KIF18B: variants seen among roughly 807,000 people sequenced by gnomAD.
KIF18B encodes the protein kinesin-like protein KIF18B.
A neutral mutation model predicts 80.9 loss-of-function variants in KIF18B; 49 were observed. The ratio of observed to expected loss-of-function variants is 0.61; its 90% CI spans 0.48 to 0.77. KIF18B has a LOEUF of 0.77. KIF18B is among the 30% of genes least tolerant of loss of function. The probability of loss-of-function intolerance (pLI) is 0.00; values close to 1 mark genes in which losing one functional copy is unlikely to be tolerated. For synonymous variants in KIF18B, 439 were observed against 463.9 expected (o/e 0.95, Z 0.69); for missense variants, 994 against 1,127.7 (o/e 0.88, Z 1.70).
rs1359571913 is a variant in KIF18B, at chr17:44,934,620, A to G, written c.577-3T>C. On this transcript the variant is annotated splice_region_variant and splice_polypyrimidine_tract_variant and intron_variant, in intron 4 of 15. Transcript: ENST00000593135. The surrounding 1 kb of genome is among the most constrained non-coding windows in gnomAD (Gnocchi z 5.4). ...AGCAGCTGCTCGGCTGAGGCTGGCT[A>G]CAGAGGAGAAGCCCAGGAACGGGGC... 8.1e-6 allele frequency: 13 copies of G among 1,597,006 alleles called. No homozygotes were observed. Among genetic ancestry groups the G allele is most frequent in the African/African-American group, 1.3e-5 (1 of 74,548 alleles).
intron 11 of KIF18B, among the ~76,000 whole-genome samples, chr17:44,930,198 T>C (rs1021632865): frequency 2.0e-5 from 3 of 152,218 alleles, no homozygotes; most frequent in East Asian, 1.9e-4. Flanking sequence ...CAAGGAAGAT[T>C]AGACAATTGC....
Position 44,934,252 on chromosome 17 carries a change from T to C in KIF18B, c.866A>G (p.Asn289Ser). The C allele has an allele frequency of 6.2e-7, 1 of 1,612,302 alleles. No individual in the cohort carries two copies. Among genetic ancestry groups the C allele is most frequent in the Non-Finnish European group, 8.5e-7 (1 of 1,179,376 alleles). The change falls in exon 6 of 16, where the codon AAT (asparagine) becomes AGT (serine). Residue 289 changes from asparagine to serine, a missense_variant. Asn to Ser is a conservative substitution (Grantham distance 46, BLOSUM62 1). Coordinates refer to ENST00000593135, the MANE Select transcript of KIF18B (RefSeq NM_001265577.2). This position sits in a 1 kb window ranked among gnomAD's most constrained non-coding sequence, Gnocchi z 5.4. ...CTTTACCTTTGCATCGGCCAAGGCA[T>C]TGAGGACGTTGATGAGCGCCAGCAG... The part of the protein sequence containing the change: ...RSLLALINVL[N>S]ALADAKGRKT...
chr17:44,932,945 C>T lies in KIF18B; in HGVS notation c.1104G>A (p.Gln368=), dbSNP rs1164750800. 10 of 1,607,704 alleles carry T rather than the reference C, an allele frequency of 6.2e-6. No individual in the cohort carries two copies. The highest frequency in any genetic ancestry group is 1.7e-5 in the Admixed American group (1 of 59,862). ...NVTSLDCHIS[Q]YATICQQLQA... Reference sequence around the variant, plus strand: ...GGAGCTGTTGGCAGATGGTAGCATACTGGCTGATGTGACAGTCCAGGCTGG... The same window carrying T: ...GGAGCTGTTGGCAGATGGTAGCATATTGGCTGATGTGACAGTCCAGGCTGG... Residue 368 remains glutamine, a synonymous_variant, in exon 8 of 16, where the codon CAG becomes CAA. Coordinates refer to ENST00000593135, the MANE Select transcript of KIF18B (RefSeq NM_001265577.2).
At chr17:44,944,276 G>T (rs2052470850) in intron 1 of KIF18B, among the ~76,000 whole-genome samples, 2 of 149,094 alleles carry the variant, frequency 1.3e-5, no homozygotes, top group Admixed American at 6.7e-5. Flanking sequence ...TTTTGCTCTT[G>T]TTGCCCAGCA....
In KIF18B at chr17:44,925,904, A is replaced by G. The variant is rs1263653294; in HGVS notation, c.*176T>C. ...AACAGGAGATTAACAGAGGGTGAGT[A>G]GCAGGATGGATGTCTGGGGAGGGAT... On this transcript the variant is annotated 3_prime_UTR_variant, in exon 16 of 16. Transcript: ENST00000593135. 4.6e-6 allele frequency: 3 copies of G among 654,320 alleles called. No homozygotes were observed. Among genetic ancestry groups the G allele is most frequent in the Non-Finnish European group, 8.1e-6 (3 of 368,112 alleles). The allele number at this position is 654,320 out of a possible 1,614,324, so 40.5% of individuals were successfully genotyped here. A position where few individuals can be genotyped will look rare whatever the true frequency, so the allele number is the denominator to read the frequency against.
intron 1 of KIF18B, among the ~76,000 whole-genome samples, chr17:44,937,139 CTCTT>C (rs2052327675): frequency 6.6e-6 from 1 of 151,592 alleles, no homozygotes; most frequent in Non-Finnish European, 1.5e-5. Flanking sequence ...CTCTTCATTA[CTCTT>C]TCTTTTCTAT....
In KIF18B at chr17:44,939,042, C is replaced by T. The variant is rs541946033; in HGVS notation, c.-14-2684G>A. On this transcript the variant is annotated intron_variant, in intron 1 of 15. Coordinates refer to ENST00000593135, the MANE Select transcript of KIF18B (RefSeq NM_001265577.2). ...CTGGGCAACAAGAGTGAAACTCCAT[C>T]TCAAAAAAAAAAATTAATTAATTAA... Among the ~76,000 whole-genome samples, 18 of 136,322 alleles carry T rather than the reference C, an allele frequency of 1.3e-4. No individual in the cohort carries two copies. In the South Asian group the frequency reaches 3.7e-3, roughly 28 times the overall value. 89.4% of individuals were successfully genotyped at this position (136,322 alleles called of 152,430 possible).
At chr17:44,936,604 A>C (rs1365012287) in intron 1 of KIF18B, among the ~76,000 whole-genome samples, 688 of 51,346 alleles carry the variant, frequency 0.013, 5 homozygotes, top group African/African-American at 0.02. Context: ...CTCTCTATAT[A>C]TATATATATA....
intron 1 of KIF18B, among the ~76,000 whole-genome samples, chr17:44,938,406 T>C (rs559464735): frequency 7.2e-5 from 11 of 152,342 alleles, no homozygotes; most frequent in Admixed American, 5.9e-4. Context: ...CAACCATGCA[T>C]TCCTGGAAAA....
In KIF18B at chr17:44,933,995, G is replaced by A. The variant is rs1597883323; in HGVS notation, c.990C>T (p.Pro330=). 6.2e-7 allele frequency: 1 copy of A among 1,608,092 alleles called. No homozygotes were observed. The highest frequency in any genetic ancestry group is 1.3e-5 in the African/African-American group (1 of 74,964). Reference sequence around the variant, plus strand: ...ACGTGTCCTCGTAGGTCAGGCTGGAGGGGCTGATGGCAGCGATCATCACTG... The same window carrying A: ...ACGTGTCCTCGTAGGTCAGGCTGGAAGGGCTGATGGCAGCGATCATCACTG... The part of the protein sequence containing the change: ...CRTVMIAAIS[P]SSLTYEDTYN... The change falls in exon 7 of 16, where the codon CCC becomes CCT. Residue 330 remains proline (P), a synonymous_variant. Transcript: ENST00000593135.
At position 44,928,877 on chromosome 17, in the gene KIF18B, C is replaced by T; in HGVS notation, c.1665G>A (p.Leu555=). Residue 555 remains leucine, a synonymous_variant, in exon 12 of 16, where the codon TTG becomes TTA. Coordinates refer to ENST00000593135, the MANE Select transcript of KIF18B (RefSeq NM_001265577.2). ...CCCCCCTGGCCAGGCCTGAAGTCCT[C>T]AAGGCCTCTGCCCCAGGCTCAATTT... ...EEKIEPGAEA[L]RTSGLARGAP... is the part of the protein sequence containing the mutation. The T allele has an allele frequency of 6.2e-7, 1 of 1,613,944 alleles. No individual in the cohort carries two copies. Among genetic ancestry groups the T allele is most frequent in the Non-Finnish European group, 8.5e-7 (1 of 1,179,848 alleles).
Position 44,925,925 on chromosome 17 carries a change from G to T in KIF18B, c.*155C>A. ...GAGTAGCAGGATGGATGTCTGGGGA[G>T]GGATGTTAATACAGCAAAGGTGTGT... is the stretch of plus-strand genomic sequence containing the variant. On this transcript the variant is annotated 3_prime_UTR_variant, in exon 16 of 16. Coordinates refer to ENST00000593135, the MANE Select transcript of KIF18B (RefSeq NM_001265577.2). 1.4e-6 allele frequency: 1 copy of T among 699,684 alleles called. No individual in the cohort carries two copies. Among genetic ancestry groups the T allele is most frequent in the Non-Finnish European group, 2.5e-6 (1 of 399,754 alleles). 43.3% of individuals were successfully genotyped at this position (699,684 alleles called of 1,614,324 possible).
rs1430137564 is a variant in KIF18B at position 44,926,054 on chromosome 17, CCTTG to C, written c.*22_*25del. On this transcript the variant is annotated 3_prime_UTR_variant, in exon 16 of 16. Coordinates refer to ENST00000593135, the MANE Select transcript of KIF18B (RefSeq NM_001265577.2). ...GCAGAGGGGCCGGTAGGTTAGGACA[CCTTG>C]GTGGTCAGGACATTCTGGCGGTCAG... 6.2e-7 allele frequency: 1 copy of C among 1,613,482 alleles called. No homozygotes were observed. The highest frequency in any genetic ancestry group is 8.5e-7 in the Non-Finnish European group (1 of 1,179,706).
Position 44,934,310 on chromosome 17 carries a change from G to A in KIF18B, c.808C>T (p.Arg270Trp), listed in dbSNP as rs1261038268. ...RASSTHAKGE[R>W]LREGANINRS... The stretch of plus-strand genomic sequence containing the variant: ...TTGATGTTGGCCCCCTCCCGCAGCC[G>A]CTCCCCCTTCGCATGGGTGCTGGAT... The change falls in exon 6 of 16, where the codon CGG becomes TGG. Residue 270 changes from arginine to tryptophan, a missense_variant. Transcript: ENST00000593135. This position sits in a 1 kb window ranked among gnomAD's most constrained non-coding sequence, Gnocchi z 5.4. 4 of 1,610,938 alleles carry A rather than the reference G, an allele frequency of 2.5e-6. No individual in the cohort carries two copies. Among genetic ancestry groups the A allele is most frequent in the South Asian group, 1.1e-5 (1 of 90,420 alleles).
At chr17:44,942,572 A>G (rs542481549) in intron 1 of KIF18B, among the ~76,000 whole-genome samples, 113 of 152,312 alleles carry the variant, frequency 7.4e-4, no homozygotes, top group Non-Finnish European at 1.3e-3. Flanking sequence ...AGCCCCCTTC[A>G]TCTCTCCTTC....
chr17:44,934,987 C>A lies in KIF18B; in HGVS notation c.472-52G>T. On this transcript the variant is annotated intron_variant, in intron 3 of 15. Transcript: ENST00000593135. The surrounding 1 kb of genome is among the most constrained non-coding windows in gnomAD (Gnocchi z 5.4). The stretch of plus-strand genomic sequence containing the variant: ...TGAGGGAGAGCGGCCCATCAGGAAA[C>A]CTCTCCCTAGCGGCTGGACAGGGGA... 1 of 1,317,184 alleles carries A rather than the reference C, an allele frequency of 7.6e-7. No individual in the cohort carries two copies. The highest frequency in any genetic ancestry group is 1.1e-6 in the Non-Finnish European group (1 of 950,812). The allele number at this position is 1,317,184 out of a possible 1,614,324, so 81.6% of individuals were successfully genotyped here. A position where few individuals can be genotyped will look rare whatever the true frequency, so the allele number is the denominator to read the frequency against.
At chr17:44,933,499 T>C (rs1331071222) in intron 7 of KIF18B, among the ~76,000 whole-genome samples, 1 of 150,998 alleles carries the variant, frequency 6.6e-6, no homozygotes, top group African/African-American at 2.4e-5. Context: ...GGAACTTCTT[T>C]TTTTTTTTTT....
rs1157887945 is a variant in KIF18B, at chr17:44,924,928, C to A, written c.*1152G>T. 1.3e-5 allele frequency: 2 copies of A among 152,122 alleles called. No individual in the cohort carries two copies. Among genetic ancestry groups the A allele is most frequent in the African/African-American group, 4.8e-5 (2 of 41,386 alleles). 9.4% of individuals were successfully genotyped at this position (152,122 alleles called of 1,614,324 possible). ...AATAAAGCTGTCTTCATTTGGAAAT[C>A]AAGGCACCATTATCATCCACATCTT... On this transcript the variant is annotated 3_prime_UTR_variant, in exon 16 of 16. Transcript: ENST00000593135.
chr17:44,929,152 C>T, intron 11 of KIF18B, 128 bp from the exon 12 acceptor site: 1 of 771,316 alleles, frequency 1.3e-6, no homozygotes, highest in South Asian at 1.6e-5. Context: ...CTGGCTCCCT[C>T]CTGCCTCACC....
Sources: gnomAD v4.1 joint callset for allele counts (sites outside exome capture counted in the v4.1 genomes callset) on GRCh38, gnomAD v4.1.1 for gene constraint, Gnocchi (gnomAD v3.1) non-coding constraint, MANE v1.5 for transcripts, NCBI Gene and HGNC (gene_info 2026-07-23, HGNC 2026-07-21) for gene names.